MFSD11: variants seen among roughly 807,000 people sequenced by gnomAD.
MFSD11 encodes the protein major facilitator superfamily domain containing 11.
MFSD11 carries 36 observed loss-of-function variants against 53.5 expected under a neutral mutation model. That is an observed-to-expected ratio of 0.67 (90% CI 0.52 to 0.89). The LOEUF (loss-of-function observed/expected upper bound fraction) is 0.89, where lower values mean the gene tolerates loss of function less well. Among genes scored for constraint, MFSD11 ranks in the 40% least tolerant of loss-of-function variants. The pLI is 0.00. For synonymous variants in MFSD11, 186 were observed against 184.9 expected (o/e 1.01, Z -0.05); for missense variants, 530 against 543.9 (o/e 0.97, Z 0.25).
upstream of MFSD11, chr17:76,737,330 C>T (rs886094978): frequency 3.1e-5 from 27 of 875,190 alleles, no homozygotes; most frequent in East Asian, 5.6e-5. Context: ...TGAGTAACAA[C>T]TGGGCGGGCA....
At chr17:76,746,260 A>G (rs557954423) in intron 7 of MFSD11, among the ~76,000 whole-genome samples, 54 of 152,312 alleles carry the variant, frequency 3.5e-4, no homozygotes, top group African/African-American at 1.1e-3. Flanking sequence ...GAAGGCTGAG[A>G]GACGTGAGGA....
chr17:76,792,466 T>C, the MFSD11 span, among the ~76,000 whole-genome samples: 1 of 150,280 alleles, frequency 6.7e-6, no homozygotes, highest in Admixed American at 6.6e-5. Flanking sequence ...TTTTCCGGGC[T>C]CTCTTTAAAG....
the MFSD11 span, among the ~76,000 whole-genome samples, chr17:76,790,693 C>A: frequency 1.4e-5 from 2 of 147,200 alleles, 1 homozygote; most frequent in African/African-American, 5.1e-5. Flanking sequence ...CGTGGTGGCT[C>A]ACGCCTATAA....
intron 5 of MFSD11, 39 bp downstream of exon 5, chr17:76,742,312 C>CT (rs769999294): frequency 3.2e-5 from 50 of 1,539,096 alleles, no homozygotes; most frequent in East Asian, 4.5e-5. Context: ...CCTTTTCTTT[C>CT]TTTTTTTTCT....
In MFSD11 at chr17:76,746,160, A is replaced by G. The variant is rs1006844724; in HGVS notation, c.641+1694A>G. Among the ~76,000 whole-genome samples the G allele has an allele frequency of 2.0e-5, 3 of 152,208 alleles. No individual in the cohort carries two copies. In the East Asian group the frequency reaches 5.8e-4, roughly 29 times the overall value. On this transcript the variant is annotated intron_variant, in intron 7 of 12. Transcript: ENST00000685175. ...TGAAACAGCCTTATTGCTGATACGG[A>G]GAAAGTTTTAGTGGTCTGGATAGAA...
At chr17:76,786,029 C>T (rs1202847670), downstream of MFSD11, among the ~76,000 whole-genome samples, 1 of 134,686 alleles carries the variant, frequency 7.4e-6, no homozygotes. Flanking sequence ...GAGCCGAGAT[C>T]GAGCCACCGC....
downstream of MFSD11, among the ~76,000 whole-genome samples, chr17:76,779,824 C>G (rs2082113241): frequency 6.6e-6 from 1 of 152,092 alleles, no homozygotes; most frequent in Non-Finnish European, 1.5e-5. Context: ...TCTGTAACAA[C>G]AAAAACATTG....
chr17:76,764,063 C>G lies in MFSD11; in HGVS notation c.683-3323C>G, dbSNP rs577845453. ...TATTTTTAATAGAGATGGGGTTTTA[C>G]CATGTTGGCCCAGCTAATCTTGAAC... On this transcript the variant is annotated intron_variant, in intron 8 of 12. Coordinates refer to ENST00000685175, the MANE Select transcript of MFSD11 (RefSeq NM_001242532.5). 2.0e-5 allele frequency among the ~76,000 whole-genome samples: 3 copies of G among 152,066 alleles called. No individual in the cohort carries two copies. The South Asian group carries it at 6.2e-4, about 32-fold the overall frequency.
At chr17:76,780,859 A>G (rs536888400), downstream of MFSD11, among the ~76,000 whole-genome samples, 20 of 151,918 alleles carry the variant, frequency 1.3e-4, no homozygotes, top group Non-Finnish European at 2.4e-4. Context: ...AGCTGATATA[A>G]CCTCCATTGG....
At chr17:76,743,767 C>G (rs1474754593) in intron 6 of MFSD11, among the ~76,000 whole-genome samples, 1 of 152,148 alleles carries the variant, frequency 6.6e-6, no homozygotes, top group East Asian at 1.9e-4. Context: ...CAGGCCTGCA[C>G]CACCACGCCC....
At chr17:76,788,850 CAATA>C in the MFSD11 span, among the ~76,000 whole-genome samples, 2 of 147,058 alleles carry the variant, frequency 1.4e-5, no homozygotes, top group African/African-American at 2.5e-5. Flanking sequence ...ATAAATCAAT[CAATA>C]AATAAGATCG....
At chr17:76,767,980 A>G (rs2081013664) in intron 9 of MFSD11, among the ~76,000 whole-genome samples, 1 of 152,176 alleles carries the variant, frequency 6.6e-6, no homozygotes, top group Non-Finnish European at 1.5e-5. Context: ...GAAAATAACC[A>G]TGAAGAAATC....
At chr17:76,737,501 A>G, upstream of MFSD11, 1 of 317,446 alleles carries the variant, frequency 3.2e-6, no homozygotes, top group Non-Finnish European at 5.8e-6. Context: ...CGGGCGGGCC[A>G]AAAAGCGCGG....
the MFSD11 span, among the ~76,000 whole-genome samples, chr17:76,803,534 T>C: frequency 6.6e-6 from 1 of 151,936 alleles, no homozygotes; most frequent in African/African-American, 2.4e-5. Context: ...GTGTTTGAGA[T>C]GTTTTGCAGA....
chr17:76,794,311 C>T, the MFSD11 span, among the ~76,000 whole-genome samples: 1,396 of 150,842 alleles, frequency 9.3e-3, 81 homozygotes, highest in African/African-American at 0.032. Context: ...TGGTGAAACC[C>T]CGTCTCTACT....
At chr17:76,746,718 G>A (rs2078576235) in intron 7 of MFSD11, among the ~76,000 whole-genome samples, 1 of 152,118 alleles carries the variant, frequency 6.6e-6, no homozygotes, top group Non-Finnish European at 1.5e-5. Flanking sequence ...TTTACGGCAT[G>A]GCTTATTGAC....
the MFSD11 span, among the ~76,000 whole-genome samples, chr17:76,788,570 C>T: frequency 3.4e-5 from 5 of 148,984 alleles, no homozygotes; most frequent in East Asian, 5.9e-4. Context: ...TTCACAGCCT[C>T]GGTAGAGGCT....
At chr17:76,801,481 C>G in the MFSD11 span, among the ~76,000 whole-genome samples, 1 of 136,140 alleles carries the variant, frequency 7.3e-6, no homozygotes, top group Non-Finnish European at 1.5e-5. Context: ...AAGTCTCACT[C>G]TGTCACCCAG....
intron 8 of MFSD11, among the ~76,000 whole-genome samples, chr17:76,755,712 G>A (rs1311189533): frequency 3.0e-5 from 4 of 134,098 alleles, no homozygotes; most frequent in South Asian, 2.4e-4. Context: ...ATATATATGT[G>A]TATATATATG....
Sources: gnomAD v4.1 joint callset for allele counts (sites outside exome capture counted in the v4.1 genomes callset) on GRCh38, gnomAD v4.1.1 for gene constraint, MANE v1.5 for transcripts, NCBI Gene and HGNC (gene_info 2026-07-23, HGNC 2026-07-21) for gene names.